The following GALNT13 variants were observed in gnomAD, a reference collection of about 807,000 sequenced individuals.
GALNT13 encodes UDP-GalNAc:polypeptide N-acetylgalactosaminyltransferase 13.
In GALNT13, 28 loss-of-function variants were observed where a neutral mutation model predicts 64.2. The observed-to-expected ratio is 0.44, with a 90% CI of 0.32 to 0.60. The LOEUF (loss-of-function observed/expected upper bound fraction) is 0.60. Ranked by LOEUF, GALNT13 falls within the 20% of genes least tolerant of loss-of-function variation. GALNT13 has a pLI of 0.05. For missense variants in GALNT13, 577 were observed against 669.8 expected (o/e 0.86, Z 1.53); for synonymous variants, 214 against 224.6 (o/e 0.95, Z 0.42).
At chr2:153,889,181 A>T (rs1259299512) in intron 1 of GALNT13, among the ~76,000 whole-genome samples, 1 of 151,948 alleles carries the variant, frequency 6.6e-6, no homozygotes, top group Non-Finnish European at 1.5e-5. Flanking sequence ...GACACCACTA[A>T]AACTAAGTAT....
At chr2:153,733,434 T>C in the GALNT13 span, among the ~76,000 whole-genome samples, 8 of 152,122 alleles carry the variant, frequency 5.3e-5, no homozygotes, top group East Asian at 9.6e-4. Context: ...AATAAATATA[T>C]GTAGAATGAT....
the GALNT13 span, among the ~76,000 whole-genome samples, chr2:153,355,401 TA>T: frequency 6.6e-6 from 1 of 152,192 alleles, no homozygotes; most frequent in Non-Finnish European, 1.5e-5. Flanking sequence ...TTAATCTCTG[TA>T]TATGTCTGTC....
At chr2:153,173,487 A>T in the GALNT13 span, among the ~76,000 whole-genome samples, 3 of 152,212 alleles carry the variant, frequency 2.0e-5, no homozygotes, top group Non-Finnish European at 4.4e-5. Context: ...CTCTGTCATT[A>T]TATGGCTGTC....
intron 8 of GALNT13, chr2:154,287,092 G>C: frequency 1.1e-6 from 1 of 950,086 alleles, no homozygotes; most frequent in East Asian, 2.4e-5. Flanking sequence ...CTTTGGGCAA[G>C]CAGCCACCTT....
At chr2:153,534,111 T>C in the GALNT13 span, among the ~76,000 whole-genome samples, 1 of 152,124 alleles carries the variant, frequency 6.6e-6, no homozygotes, top group Admixed American at 6.5e-5. Flanking sequence ...TTAGAACCCT[T>C]AGCATATTAA....
the GALNT13 span, among the ~76,000 whole-genome samples, chr2:153,264,683 A>C: frequency 6.6e-6 from 1 of 152,234 alleles, no homozygotes; most frequent in East Asian, 1.9e-4. Flanking sequence ...AGACTAATGC[A>C]GGAGCTAATG....
intron 3 of GALNT13, among the ~76,000 whole-genome samples, chr2:153,964,713 CT>C (rs1693206746): frequency 6.7e-6 from 1 of 149,796 alleles, no homozygotes; most frequent in African/African-American, 2.5e-5. Flanking sequence ...TTTATTTTTC[CT>C]AATAAAATTA....
chr2:154,395,711 C>T (rs1699024230), intron 9 of GALNT13, among the ~76,000 whole-genome samples: 3 of 152,044 alleles, frequency 2.0e-5, no homozygotes, highest in Admixed American at 1.3e-4. Flanking sequence ...ATACTAAATA[C>T]CAATTTACAT....
At chr2:153,322,118 T>A in the GALNT13 span, among the ~76,000 whole-genome samples, 1 of 152,024 alleles carries the variant, frequency 6.6e-6, no homozygotes, top group Admixed American at 6.6e-5. Flanking sequence ...GGATTACAAA[T>A]GGCCGAGGTA....
intron 1 of GALNT13, among the ~76,000 whole-genome samples, chr2:153,875,869 C>G (rs1056253458): frequency 3.3e-5 from 5 of 152,106 alleles, no homozygotes; most frequent in Non-Finnish European, 5.9e-5. Context: ...CCTTATTAGA[C>G]ATGATATTTT....
chr2:153,783,026 G>A, the GALNT13 span, among the ~76,000 whole-genome samples: 1 of 152,140 alleles, frequency 6.6e-6, no homozygotes, highest in South Asian at 2.1e-4. Context: ...GGCCCAGAAT[G>A]GGAATCTAGA....
chr2:153,131,563 C>T, the GALNT13 span, among the ~76,000 whole-genome samples: 1 of 152,082 alleles, frequency 6.6e-6, no homozygotes, highest in Non-Finnish European at 1.5e-5. Context: ...AGTCTCCTGG[C>T]CTCACCCTCC....
At chr2:153,581,015 G>A in the GALNT13 span, among the ~76,000 whole-genome samples, 1 of 152,066 alleles carries the variant, frequency 6.6e-6, no homozygotes, top group South Asian at 2.1e-4. Context: ...TTCTTGCTTA[G>A]AGATACTTAT....
the GALNT13 span, among the ~76,000 whole-genome samples, chr2:153,092,662 A>T: frequency 6.6e-6 from 1 of 152,202 alleles, no homozygotes; most frequent in East Asian, 1.9e-4. Flanking sequence ...TAGAAATGCT[A>T]CTGAATTTTG....
intron 4 of GALNT13, among the ~76,000 whole-genome samples, chr2:154,152,822 C>A (rs1230421952): frequency 6.6e-6 from 1 of 152,118 alleles, no homozygotes; most frequent in African/African-American, 2.4e-5. Flanking sequence ...TATTCTAGTT[C>A]TACATTTGTC....
chr2:153,501,955 G>A, the GALNT13 span, among the ~76,000 whole-genome samples: 1 of 152,020 alleles, frequency 6.6e-6, no homozygotes, highest in African/African-American at 2.4e-5. Context: ...ACTCACGGAG[G>A]GGCAGAGAAT....
chr2:153,426,591 T>C, the GALNT13 span, among the ~76,000 whole-genome samples: 4 of 152,076 alleles, frequency 2.6e-5, no homozygotes, highest in East Asian at 7.7e-4. Flanking sequence ...TTCATGTGCA[T>C]ATACTCTGTG....
intron 2 of GALNT13, among the ~76,000 whole-genome samples, chr2:153,905,535 C>A (rs1202456877): frequency 6.6e-6 from 1 of 151,860 alleles, no homozygotes; most frequent in Non-Finnish European, 1.5e-5. Context: ...TGTTATTGTA[C>A]TGTACTTAAC....
chr2:154,232,653 A>T lies in GALNT13; in HGVS notation c.312-9377A>T, dbSNP rs145850508. 1.4e-3 allele frequency among the ~76,000 whole-genome samples: 216 copies of T among 152,238 alleles called. 1 individual carries two copies. Among genetic ancestry groups the T allele is most frequent in the Non-Finnish European group, 2.7e-3 (186 of 68,016 alleles). On this transcript the variant is annotated intron_variant, in intron 4 of 12. Coordinates refer to ENST00000392825, the MANE Select transcript of GALNT13 (RefSeq NM_052917.4). ...GAAATAACTTTTGAAATCAGATTGC[A>T]TGGGTTTGAAACCCAGCTCCACTAC...
Sources: allele counts gnomAD v4.1 joint callset (sites outside exome capture counted in the v4.1 genomes callset), GRCh38; gene constraint gnomAD v4.1.1; transcripts MANE v1.5; gene names NCBI Gene and HGNC (gene_info 2026-07-23, HGNC 2026-07-21).